The following TBC1D17 variants were observed in gnomAD, a reference collection of about 807,000 sequenced individuals.
The protein encoded by TBC1D17 is TBC1 domain family member 17.
TBC1D17 carries 69 observed loss-of-function variants against 78.8 expected under a neutral mutation model. The observed-to-expected ratio is 0.88, with a 90% CI of 0.72 to 1.07. TBC1D17 has a LOEUF of 1.07. Among genes scored for constraint, TBC1D17 ranks in the 50% least tolerant of loss-of-function variants. The pLI is 0.00. For synonymous variants in TBC1D17, 456 were observed against 358.3 expected, an observed-to-expected ratio of 1.27 and a Z score of -3.08; for missense variants, 957 against 861.0, an observed-to-expected ratio of 1.11 and a Z score of -1.39.
rs1276647800 is a variant in TBC1D17 at position 49,882,118 on chromosome 19, A to C, written c.605A>C (p.Gln202Pro). 2 of 1,613,982 alleles carry C rather than the reference A, an allele frequency of 1.2e-6. No individual in the cohort carries two copies. The highest frequency in any genetic ancestry group is 2.7e-5 in the African/African-American group (2 of 74,898). The change falls in exon 6 of 17, where the codon CAG becomes CCG. Residue 202 changes from glutamine to proline, a missense_variant. Transcript: ENST00000221543. ...CTCTCCAACTCCTTCCACCACCTGCAGCTCTTTGACCAGGACAGCTCCAAT... is the reference window on the plus strand; with the variant it reads ...CTCTCCAACTCCTTCCACCACCTGCCGCTCTTTGACCAGGACAGCTCCAAT... Reference protein sequence around the residue: ...SALSNSFHHLQLFDQDSSNVV... With the variant: ...SALSNSFHHLPLFDQDSSNVV...
Position 49,882,986 on chromosome 19 carries a change from G to A in TBC1D17, c.941G>A (p.Ser314Asn), listed in dbSNP as rs1568675585. The A allele has an allele frequency of 6.2e-7, 1 of 1,610,274 alleles. No homozygotes were observed. The highest frequency in any genetic ancestry group is 8.5e-7 in the Non-Finnish European group (1 of 1,178,294). ...NRIFSGGLSP[S>N]LRREAWKFLL... Reference sequence around the variant, plus strand: ...CTGCACCCCCAGGGTCTGAGCCCCAGCCTGCGGCGCGAGGCCTGGAAGTTC... The same window carrying A: ...CTGCACCCCCAGGGTCTGAGCCCCAACCTGCGGCGCGAGGCCTGGAAGTTC... Residue 314 changes from serine to asparagine, a missense_variant, in exon 9 of 17, where the codon AGC (serine) becomes AAC (asparagine). Coordinates refer to ENST00000221543, the MANE Select transcript of TBC1D17 (RefSeq NM_024682.3).
At chr19:49,885,673 T>G (rs1003842127) in intron 13 of TBC1D17, 3 of 150,134 alleles carry the variant, frequency 2.0e-5, no homozygotes, top group Non-Finnish European at 4.4e-5. Context: ...CAAAAAGATT[T>G]AAAAATTAGC....
chr19:49,882,168 A>G lies in TBC1D17; in HGVS notation c.639+16A>G. On this transcript the variant is annotated intron_variant, in intron 6 of 16. Transcript: ENST00000221543. ...TGTGGTGTCAGTGAGTGTCCCCAGCAGGAGGCCTGGCGGGTGTGGGCAGGG... is the reference window on the plus strand; with the variant it reads ...TGTGGTGTCAGTGAGTGTCCCCAGCGGGAGGCCTGGCGGGTGTGGGCAGGG... The G allele has an allele frequency of 2.5e-6, 4 of 1,613,954 alleles. No individual in the cohort carries two copies. The highest frequency in any genetic ancestry group is 2.2e-5 in the East Asian group (1 of 44,888).
Position 49,880,309 on chromosome 19 carries a change from G to GA in TBC1D17, c.227dup (p.Glu77GlyfsTer6). 1 of 1,614,064 alleles carries GA rather than the reference G, an allele frequency of 6.2e-7. No homozygotes were observed. Among genetic ancestry groups the GA allele is most frequent in the Non-Finnish European group, 8.5e-7 (1 of 1,179,992 alleles). ...CAGTGGGGGTGACTCATGTGCTTCT[G>GA]AGGAGGAACCAACCTTTGACCCCGG... is the stretch of plus-strand genomic sequence containing the variant. On this transcript the variant is annotated frameshift_variant, in exon 4 of 17. Coordinates refer to ENST00000221543, the MANE Select transcript of TBC1D17 (RefSeq NM_024682.3). LOFTEE classifies it high-confidence loss of function.
intron 13 of TBC1D17, 141 bp from the exon 14 acceptor site, chr19:49,887,335 C>T (rs986321536): frequency 2.5e-6 from 2 of 788,314 alleles, no homozygotes; most frequent in Non-Finnish European, 4.2e-6. Flanking sequence ...TTCAGGGCTG[C>T]TCCTGCCTCA....
At chr19:49,886,485 CAA>C (rs1056808883) in intron 13 of TBC1D17, 1 of 152,190 alleles carries the variant, frequency 6.6e-6, no homozygotes, top group African/African-American at 2.4e-5. Context: ...CTGGGTCATT[CAA>C]AGTCTTCTGA....
At position 49,888,747 on chromosome 19, in the gene TBC1D17, T is replaced by A. The variant is rs1187187012; in HGVS notation, c.*123T>A. On this transcript the variant is annotated 3_prime_UTR_variant, in exon 17 of 17. Coordinates refer to ENST00000221543, the MANE Select transcript of TBC1D17 (RefSeq NM_024682.3). ...CTTCATTAAACTGACACTTCTCATGTGCAGTTGGCTTCTTGTTGGTGGGGG... is the reference window on the plus strand; with the variant it reads ...CTTCATTAAACTGACACTTCTCATGAGCAGTTGGCTTCTTGTTGGTGGGGG... The A allele has an allele frequency of 2.1e-6, 2 of 931,296 alleles. No individual in the cohort carries two copies. The highest frequency in any genetic ancestry group is 3.1e-6 in the Non-Finnish European group (2 of 641,902). The allele number at this position is 931,296 out of a possible 1,614,324, so 57.7% of individuals were successfully genotyped here.
chr19:49,881,359 C>G lies in TBC1D17; in HGVS notation c.411C>G (p.Ser137Arg). The G allele has an allele frequency of 6.2e-7, 1 of 1,613,392 alleles. No individual in the cohort carries two copies. Among genetic ancestry groups the G allele is most frequent in the Non-Finnish European group, 8.5e-7 (1 of 1,180,004 alleles). Residue 137 changes from serine to arginine, a missense_variant, in exon 5 of 17, where the codon AGC becomes AGG. Physicochemically the swap from Ser to Arg is moderately radical, Grantham distance 110 (BLOSUM62 -1). Transcript: ENST00000221543. ...TCCGCCGCTCCAAGCCAGGCCTCAG[C>G]TGGGCCTACCTGGTTCTGGTGACCC... ...KSIRRSKPGL[S>R]WAYLVLVTQA...
chr19:49,884,814 T>C, intron 13 of TBC1D17, 56 bp downstream of exon 13: 1 of 1,502,548 alleles, frequency 6.7e-7, no homozygotes, highest in Non-Finnish European at 9.2e-7. Context: ...CTTGCCAGAT[T>C]CTCTGGTAGC....
chr19:49,888,526 G>GCCCCCCCCC lies in TBC1D17; in HGVS notation c.1853_1854insCCCCCCCCC (p.Pro619_Thr620insProProPro). 2.0e-6 allele frequency: 3 copies of GCCCCCCCCC among 1,533,198 alleles called. No homozygotes were observed. Among genetic ancestry groups the GCCCCCCCCC allele is most frequent in the Non-Finnish European group, 2.6e-6 (3 of 1,141,146 alleles). The allele number at this position is 1,533,198 out of a possible 1,614,324, so 95.0% of individuals were successfully genotyped here. A position where few individuals can be genotyped will look rare whatever the true frequency, so the allele number is the denominator to read the frequency against. On this transcript the variant is annotated inframe_insertion, in exon 17 of 17. Transcript: ENST00000221543. ...CCCGCTGCCTCTGTCGCCCACCCGG[G>GCCCCCCCCC]CCCCGCCCACCCCGCCGCCCTCCAC...
In TBC1D17 at chr19:49,882,086, C is replaced by T. The variant is rs752070068; in HGVS notation, c.573C>T (p.Ser191=). 3.7e-6 allele frequency: 6 copies of T among 1,614,184 alleles called. No individual in the cohort carries two copies. Among genetic ancestry groups the T allele is most frequent in the Non-Finnish European group, 4.2e-6 (5 of 1,180,022 alleles). ...TCTACCTTGTCTTCCCCCACGACTC[C>T]TCTGCTCTCTCCAACTCCTTCCACC... ...SRLYLVFPHD[S]SALSNSFHHL... is the part of the protein sequence containing the mutation. The change falls in exon 6 of 17, where the codon TCC becomes TCT. Residue 191 remains serine, a synonymous_variant. Coordinates refer to ENST00000221543, the MANE Select transcript of TBC1D17 (RefSeq NM_024682.3).
At chr19:49,887,868 C>T (rs764765298) in intron 15 of TBC1D17, 34 bp downstream of exon 15, 5 of 1,547,856 alleles carry the variant, frequency 3.2e-6, no homozygotes, top group South Asian at 1.2e-5. Flanking sequence ...CCCTGTCCCC[C>T]CTGAGCTGGG....
intron 7 of TBC1D17, 77 bp from the exon 8 acceptor site, chr19:49,882,687 G>C: frequency 5.5e-6 from 8 of 1,451,180 alleles, no homozygotes; most frequent in Non-Finnish European, 7.3e-6. Flanking sequence ...TAAGCTCTCT[G>C]AGCTTGTGGA....
At chr19:49,882,193 G>T (rs1415108221) in intron 6 of TBC1D17, 41 bp downstream of exon 6, 3 of 1,613,342 alleles carry the variant, frequency 1.9e-6, no homozygotes, top group African/African-American at 2.7e-5. Flanking sequence ...TGTGGGCAGG[G>T]AGGGACGAGA....
Position 49,888,398 on chromosome 19 carries a change from T to C in TBC1D17, c.1747-26T>C, listed in dbSNP as rs1407348783. ...CCTTCTCACCTTCACCTTCCGCTTT[T>C]CGCTTCTCTCATCCCGTGCCTCCAG... On this transcript the variant is annotated intron_variant, in intron 16 of 16. Coordinates refer to ENST00000221543, the MANE Select transcript of TBC1D17 (RefSeq NM_024682.3). The C allele has an allele frequency of 1.9e-6, 3 of 1,587,186 alleles. No individual in the cohort carries two copies. In the African/African-American group the frequency reaches 4.1e-5, roughly 21 times the overall value.
chr19:49,887,262 G>C, intron 13 of TBC1D17: 1 of 565,370 alleles, frequency 1.8e-6, no homozygotes. Context: ...GTCCATGGCA[G>C]ATGTGGAAGT....
At chr19:49,880,509 C>T (rs903211124) in intron 4 of TBC1D17, 107 bp downstream of exon 4, 19 of 1,367,714 alleles carry the variant, frequency 1.4e-5, no homozygotes, top group African/African-American at 2.9e-5. Context: ...ATCAAGAAGG[C>T]CACCAGTCAC....
rs763481629 is a variant in TBC1D17, at chr19:49,883,008, G to C, written c.963G>C (p.Lys321Asn). 1.2e-6 allele frequency: 2 copies of C among 1,611,334 alleles called. No individual in the cohort carries two copies. The highest frequency in any genetic ancestry group is 2.2e-5 in the East Asian group (1 of 44,834). The change falls in exon 9 of 17, where the codon AAG (lysine) becomes AAC (asparagine). Residue 321 changes from lysine (K) to asparagine (N), a missense_variant. Physicochemically the swap from Lys to Asn is moderately conservative, Grantham distance 94. Transcript: ENST00000221543. ...LSPSLRREAW[K>N]FLLGYLSWEG... Reference sequence around the variant, plus strand: ...CCAGCCTGCGGCGCGAGGCCTGGAAGTTCCTCCTAGGGTACCTCAGCTGGG... The same window carrying C: ...CCAGCCTGCGGCGCGAGGCCTGGAACTTCCTCCTAGGGTACCTCAGCTGGG...
intron 15 of TBC1D17, 67 bp from the exon 16 acceptor site, chr19:49,888,164 C>A: frequency 1.3e-6 from 2 of 1,549,088 alleles, no homozygotes; most frequent in Non-Finnish European, 1.7e-6. Flanking sequence ...CAGCACGAAG[C>A]ACAGAGTGGG....
Sources: gnomAD v4.1 joint callset for allele counts on GRCh38, gnomAD v4.1.1 for gene constraint, MANE v1.5 for transcripts, NCBI Gene and HGNC (gene_info 2026-07-23, HGNC 2026-07-21) for gene names.